Variants in TNRC18 observed in about 807,000 individuals in gnomAD.
TNRC18 encodes trinucleotide repeat-containing gene 18 protein.
In TNRC18, 69 loss-of-function variants were observed where a neutral mutation model predicts 226.7. That is an observed-to-expected ratio of 0.30 (90% CI 0.25 to 0.37). TNRC18 has a LOEUF of 0.37. TNRC18 is among the 10% of genes least tolerant of loss of function. TNRC18 has a pLI of 1.00. For synonymous variants in TNRC18, 2,449 were observed against 1,927.6 expected, an observed-to-expected ratio of 1.27 and a Z score of -7.09; for missense variants, 4,754 against 4,256.6, an observed-to-expected ratio of 1.12 and a Z score of -3.25.
At chr7:5,341,095 A>G (rs1790637381) in intron 18 of TNRC18, among the ~76,000 whole-genome samples, 1 of 151,952 alleles carries the variant, frequency 6.6e-6, no homozygotes, top group Non-Finnish European at 1.5e-5. Context: ...ATGATGCTAA[A>G]TCTCCTCTGC....
rs369634375 is a variant in TNRC18 at position 5,359,388 on chromosome 7, G to T, written c.4833+10C>A. 8.1e-6 allele frequency: 13 copies of T among 1,613,834 alleles called. No individual in the cohort carries two copies. In the African/African-American group the frequency reaches 1.7e-4, roughly 22 times the overall value. ...AAGATCTCACACACCTGGAAGACTGGGTTACTCACCTGACTGATGAAGTCC... is the reference window on the plus strand; with the variant it reads ...AAGATCTCACACACCTGGAAGACTGTGTTACTCACCTGACTGATGAAGTCC... On this transcript the variant is annotated intron_variant, in intron 15 of 29. Coordinates refer to ENST00000430969, the MANE Select transcript of TNRC18 (RefSeq NM_001080495.3).
At chr7:5,355,773 A>T (rs998820228) in intron 16 of TNRC18, among the ~76,000 whole-genome samples, 5 of 151,976 alleles carry the variant, frequency 3.3e-5, no homozygotes, top group African/African-American at 9.7e-5. Flanking sequence ...AGCTACTCGG[A>T]GGGCTAAGGC....
intron 2 of TNRC18, among the ~76,000 whole-genome samples, chr7:5,397,258 G>C (rs1449025831): frequency 6.6e-6 from 1 of 152,194 alleles, no homozygotes; most frequent in Non-Finnish European, 1.5e-5. Context: ...AGGCGGGTGG[G>C]TAGAAGGCTC....
At chr7:5,322,843 C>A (rs1008670330) in intron 21 of TNRC18, among the ~76,000 whole-genome samples, 39 of 152,226 alleles carry the variant, frequency 2.6e-4, no homozygotes, top group African/African-American at 9.2e-4. Context: ...GCTGTGCCTG[C>A]CTGTGGCCTT....
rs1231645337 is a variant in TNRC18 at position 5,345,672 on chromosome 7, C to T, written c.5609G>A (p.Arg1870His). The T allele has an allele frequency of 4.5e-6, 7 of 1,550,964 alleles. No homozygotes were observed. The highest frequency in any genetic ancestry group is 1.7e-4 in the Middle Eastern group (1 of 6,004). The change falls in exon 18 of 30, where the codon CGC becomes CAC. Residue 1870 changes from arginine to histidine, a missense_variant. Coordinates refer to ENST00000430969, the MANE Select transcript of TNRC18 (RefSeq NM_001080495.3). The stretch of plus-strand genomic sequence containing the variant: ...GCTGGGGAGGGCGCTGGCGGCGAAG[C>T]GTGCCAGCAGGCCCAGCCCACTCTC... The part of the protein sequence containing the change: ...LEESGLGLLA[R>H]FAASALPSPT...
intron 11 of TNRC18, among the ~76,000 whole-genome samples, chr7:5,365,252 C>T (rs1793498314): frequency 6.6e-6 from 1 of 152,214 alleles, no homozygotes; most frequent in East Asian, 1.9e-4. Context: ...GCTGGGACCA[C>T]AGGCACATGC....
At chr7:5,371,895 A>AC in intron 10 of TNRC18, among the ~76,000 whole-genome samples, 1 of 151,744 alleles carries the variant, frequency 6.6e-6, no homozygotes, top group Non-Finnish European at 1.5e-5. Flanking sequence ...ACAGAGTGAG[A>AC]CCCCATTTCC....
Position 5,307,407 on chromosome 7 carries a change from A to G in TNRC18, c.*699T>C, listed in dbSNP as rs1173210151. 3.2e-6 allele frequency: 1 copy of G among 315,024 alleles called. No homozygotes were observed. 19.5% of individuals were successfully genotyped at this position (315,024 alleles called of 1,614,324 possible). A position where few individuals can be genotyped will look rare whatever the true frequency, so the allele number is the denominator to read the frequency against. On this transcript the variant is annotated 3_prime_UTR_variant, in exon 30 of 30. Transcript: ENST00000430969. ...CCTCCCTCCTGGGTGGGGAGGGGCC[A>G]GGCGTGGCCGGGCGACAGTTTCAGC...
rs539782813 is a variant in TNRC18 at position 5,389,399 on chromosome 7, C to T, written c.488-63G>A. 547 of 1,198,444 alleles carry T rather than the reference C, an allele frequency of 4.6e-4. 6 individuals carry two copies. In the East Asian group the frequency reaches 0.02, roughly 43 times the overall value. 74.2% of individuals were successfully genotyped at this position (1,198,444 alleles called of 1,614,324 possible). On this transcript the variant is annotated intron_variant, in intron 4 of 29. Transcript: ENST00000430969. ...ACCTCCCCTCCCACCCCTGCCTGGG[C>T]GGAGGCGGACCCCTGAGAGGGGGAT...
At chr7:5,408,805 G>C (rs1367265734) in intron 2 of TNRC18, among the ~76,000 whole-genome samples, 1 of 152,172 alleles carries the variant, frequency 6.6e-6, no homozygotes, top group Admixed American at 6.6e-5. Flanking sequence ...CCTAGTACCT[G>C]TAAAGCCAGG....
chr7:5,413,614 G>T (rs1781979452), intron 2 of TNRC18, among the ~76,000 whole-genome samples: 1 of 152,176 alleles, frequency 6.6e-6, no homozygotes, highest in South Asian at 2.1e-4. Context: ...ACTGCAGCCT[G>T]GATCTCTGGG....
At chr7:5,386,865 A>C (rs935828621) in intron 5 of TNRC18, among the ~76,000 whole-genome samples, 5 of 152,212 alleles carry the variant, frequency 3.3e-5, no homozygotes, top group African/African-American at 1.2e-4. Flanking sequence ...ACCTGAGGTC[A>C]GGAGTTCGAG....
chr7:5,407,633 C>A (rs1180063512), intron 2 of TNRC18, among the ~76,000 whole-genome samples: 1 of 152,206 alleles, frequency 6.6e-6, no homozygotes. Context: ...ACCCAGCCCA[C>A]AAAATAAGTG....
In TNRC18 at chr7:5,331,316, G is replaced by T. The variant is rs148851863; in HGVS notation, c.6147+1306C>A. ...AGCAACTGGCCCTCAGCTTCCTAGT[G>T]GCCAGTGCAAAAAGGGTAACAGGCC... On this transcript the variant is annotated intron_variant, in intron 19 of 29. Transcript: ENST00000430969. 4.8e-3 allele frequency among the ~76,000 whole-genome samples: 723 copies of T among 152,156 alleles called. 5 individuals carry two copies. Among genetic ancestry groups the T allele is most frequent in the African/African-American group, 0.017 (690 of 41,534 alleles).
chr7:5,340,288 A>C (rs1790557163), intron 18 of TNRC18, among the ~76,000 whole-genome samples: 1 of 152,226 alleles, frequency 6.6e-6, no homozygotes, highest in Non-Finnish European at 1.5e-5. Context: ...ATCTGGAGAG[A>C]AGATCAAACC....
At chr7:5,313,884 G>C (rs530143034) in intron 26 of TNRC18, 21 bp from the exon 27 acceptor site, 2 of 1,432,678 alleles carry the variant, frequency 1.4e-6, no homozygotes, top group South Asian at 1.8e-5. Context: ...AAACAGATGA[G>C]AAGCTGGGGC....
Position 5,370,651 on chromosome 7 carries a change from G to T in TNRC18, c.3943C>A (p.Pro1315Thr). The change falls in exon 11 of 30, where the codon CCT becomes ACT. Residue 1315 changes from proline (P) to threonine (T), a missense_variant. Pro to Thr is a conservative substitution (Grantham distance 38). Transcript: ENST00000430969. ...AGGAAGCAGGTGCTGCCGAGTACAG[G>T]CACGGCCTCTTGGGGCTCCAGGCTC... ...CPSLEPQEAV[P>T]VLGSTCFLEE... is the part of the protein sequence containing the mutation. 6.2e-7 allele frequency: 1 copy of T among 1,612,932 alleles called. No homozygotes were observed. The highest frequency in any genetic ancestry group is 2.2e-5 in the East Asian group (1 of 44,870).
Position 5,388,372 on chromosome 7 carries a change from A to T in TNRC18, c.1452T>A (p.Gly484=). The T allele has an allele frequency of 6.4e-7, 1 of 1,551,160 alleles. No individual in the cohort carries two copies. The highest frequency in any genetic ancestry group is 1.2e-5 in the South Asian group (1 of 84,288). Residue 484 remains glycine (G), a synonymous_variant, in exon 5 of 30, where the codon GGT becomes GGA. Coordinates refer to ENST00000430969, the MANE Select transcript of TNRC18 (RefSeq NM_001080495.3). ...PCERAPRGPA[G]PAAQQAAKLF... ...GCTTGGCGGCCTGTTGGGCTGCAGG[A>T]CCGGCTGGGCCGCGGGGCGCACGCT...
chr7:5,372,007 C>T (rs1354818655), intron 10 of TNRC18, among the ~76,000 whole-genome samples: 1 of 152,172 alleles, frequency 6.6e-6, no homozygotes, highest in Non-Finnish European at 1.5e-5. Context: ...CAACGAATCT[C>T]CTGCCTCAGC....
Sources: gnomAD v4.1 joint callset for allele counts (sites outside exome capture counted in the v4.1 genomes callset) on GRCh38, gnomAD v4.1.1 for gene constraint, MANE v1.5 for transcripts, NCBI Gene and HGNC (gene_info 2026-07-23, HGNC 2026-07-21) for gene names.